Variants in XDH observed in about 807,000 individuals in gnomAD.
XDH encodes the protein xanthine dehydrogenase/oxidase.
A neutral mutation model predicts 156.1 loss-of-function variants in XDH; 138 were observed. The ratio of observed to expected loss-of-function variants is 0.88; its 90% CI spans 0.77 to 1.02. The LOEUF (loss-of-function observed/expected upper bound fraction) is 1.02. XDH is among the 50% of genes least tolerant of loss of function. XDH has a pLI of 0.00. For synonymous variants in XDH, 669 were observed against 625.7 expected, an observed-to-expected ratio of 1.07 and a Z score of -1.03; for missense variants, 1,849 against 1,684.9, an observed-to-expected ratio of 1.10 and a Z score of -1.71.
At position 31,350,150 on chromosome 2, in the gene XDH, C is replaced by T. The variant is rs1334893317; in HGVS notation, c.2705G>A (p.Cys902Tyr). The T allele has an allele frequency of 7.4e-6, 12 of 1,614,100 alleles. No individual in the cohort carries two copies. The highest frequency in any genetic ancestry group is 1.6e-4 in the Middle Eastern group (1 of 6,084). ...IPNIRGTGRLCKTNLPSNTAF... is the reference protein window; with the variant it reads ...IPNIRGTGRLYKTNLPSNTAF... ...CGTGTTGGAGGGAAGGTTGGTTTTGCACAGCCGCCCAGTGCCCCGGATGTT... is the reference window on the plus strand; with the variant it reads ...CGTGTTGGAGGGAAGGTTGGTTTTGTACAGCCGCCCAGTGCCCCGGATGTT... The change falls in exon 25 of 36, where the codon TGC becomes TAC. Residue 902 changes from cysteine (C) to tyrosine (Y), a missense_variant. Cys to Tyr is a radical substitution (Grantham distance 194). Transcript: ENST00000379416.
Position 31,378,030 on chromosome 2 carries a change from A to T in XDH, c.1243-793T>A, listed in dbSNP as rs925462073. Among the ~76,000 whole-genome samples, 3 of 147,986 alleles carry T rather than the reference A, an allele frequency of 2.0e-5. No homozygotes were observed. In the East Asian group the frequency reaches 5.9e-4, roughly 29 times the overall value. On this transcript the variant is annotated intron_variant, in intron 13 of 35. Coordinates refer to ENST00000379416, the MANE Select transcript of XDH (RefSeq NM_000379.4). The stretch of plus-strand genomic sequence containing the variant: ...GGCAGAGTGAGAATCTGTCTCAAAA[A>T]AAAAGAGAAGAAAGAGAAAGAAAGG...
At chr2:31,401,349 C>T (rs1470056906) in intron 3 of XDH, 21 bp from the exon 4 acceptor site, 1 of 1,612,948 alleles carries the variant, frequency 6.2e-7, no homozygotes. Flanking sequence ...AGATTAAGGT[C>T]ATTCCATTTA....
chr2:31,405,911 T>C lies in XDH; in HGVS notation c.96A>G (p.Arg32=), dbSNP rs1687179683. 1.2e-6 allele frequency: 2 copies of C among 1,614,068 alleles called. No homozygotes were observed. Among genetic ancestry groups the C allele is most frequent in the South Asian group, 1.1e-5 (1 of 91,082 alleles). ...PETTLLAYLR[R]KLGLSGTKLG... is the part of the protein sequence containing the mutation. ...CCCACTCCAAAGTCAGGATACACTT[T>C]CTTCTCAGGTAGGCCAAAAGGGTTG... The change falls in exon 2 of 36, where the codon AGA becomes AGG. Residue 32 remains arginine, a synonymous_variant. Coordinates refer to ENST00000379416, the MANE Select transcript of XDH (RefSeq NM_000379.4).
At chr2:31,410,852 A>C (rs1234697969) in intron 1 of XDH, among the ~76,000 whole-genome samples, 1 of 152,224 alleles carries the variant, frequency 6.6e-6, no homozygotes, top group Non-Finnish European at 1.5e-5. Context: ...TGCAAGGCGT[A>C]ATCTTGGATT....
Position 31,383,170 on chromosome 2 carries a change from G to A in XDH, c.887-18C>T, listed in dbSNP as rs573175198. On this transcript the variant is annotated intron_variant, in intron 10 of 35. Coordinates refer to ENST00000379416, the MANE Select transcript of XDH (RefSeq NM_000379.4). ...GGAGATACCTGGGAACGCACGTTCG[G>A]AATCACAGCAATTCTTCCCACAGTT... 6.2e-7 allele frequency: 1 copy of A among 1,614,142 alleles called. No homozygotes were observed. The highest frequency in any genetic ancestry group is 1.7e-5 in the Admixed American group (1 of 60,020).
chr2:31,370,336 A>G lies in XDH; in HGVS notation c.1980+19T>C, dbSNP rs1409799049. The G allele has an allele frequency of 6.2e-7, 1 of 1,613,230 alleles. No individual in the cohort carries two copies. The highest frequency in any genetic ancestry group is 8.5e-7 in the Non-Finnish European group (1 of 1,179,388). ...AATACTTATTCAATTTACTTCATAT[A>G]AAAAAATCCAAGACTTACCTTATCC... On this transcript the variant is annotated intron_variant, in intron 18 of 35. Coordinates refer to ENST00000379416, the MANE Select transcript of XDH (RefSeq NM_000379.4).
chr2:31,338,889 A>G (rs1685045473), intron 34 of XDH, among the ~76,000 whole-genome samples: 1 of 151,502 alleles, frequency 6.6e-6, no homozygotes, highest in African/African-American at 2.4e-5. Flanking sequence ...ATGCCCAGCT[A>G]ATTTTTTTTA....
In XDH at chr2:31,409,362, T is replaced by A. The variant is rs187251437; in HGVS notation, c.43-3398A>T. Among the ~76,000 whole-genome samples, 16 of 152,338 alleles carry A rather than the reference T, an allele frequency of 1.1e-4. No homozygotes were observed. In the East Asian group the frequency reaches 2.9e-3, roughly 28 times the overall value. On this transcript the variant is annotated intron_variant, in intron 1 of 35. Transcript: ENST00000379416. ...TACCACATTTTCTATCATGTAATTA[T>A]TACACATTGCATGCCTATATCAAAG...
At chr2:31,356,894 C>T (rs965478589) in intron 24 of XDH, among the ~76,000 whole-genome samples, 5 of 151,960 alleles carry the variant, frequency 3.3e-5, no homozygotes, top group African/African-American at 9.7e-5. Context: ...TCAACTAAAA[C>T]GGAATGAAAC....
At chr2:31,382,350 G>C (rs1572550086) in intron 11 of XDH, among the ~76,000 whole-genome samples, 1 of 152,204 alleles carries the variant, frequency 6.6e-6, no homozygotes, top group East Asian at 1.9e-4. Context: ...ACTTGGGGTG[G>C]GGGCTGGGAG....
intron 3 of XDH, 53 bp from the exon 4 acceptor site, chr2:31,401,381 A>G (rs1028868934): frequency 1.3e-6 from 2 of 1,585,206 alleles, no homozygotes; most frequent in South Asian, 1.1e-5. Flanking sequence ...GATCATCAGA[A>G]TGGGCCTGAC....
chr2:31,384,032 C>A, intron 9 of XDH, 185 bp from the exon 10 acceptor site: 1 of 636,114 alleles, frequency 1.6e-6, no homozygotes. Context: ...TAGATGCAGT[C>A]TTTGGACTGT....
At chr2:31,378,079 A>C (rs1013248368) in intron 13 of XDH, among the ~76,000 whole-genome samples, 1 of 35,888 alleles carries the variant, frequency 2.8e-5, no homozygotes, top group East Asian at 8.4e-4. Context: ...AGAAAGAAAG[A>C]AAGAAAGAAA....
chr2:31,347,371 A>C, intron 29 of XDH, 151 bp downstream of exon 29: 1 of 1,204,132 alleles, frequency 8.3e-7, no homozygotes, highest in South Asian at 1.5e-5. Context: ...TGAGGTTTGG[A>C]GAAACAGCAT....
intron 15 of XDH, 125 bp from the exon 16 acceptor site, chr2:31,374,081 G>T: frequency 2.0e-6 from 2 of 992,820 alleles, no homozygotes; most frequent in South Asian, 2.8e-5. Flanking sequence ...ATACGCCTTT[G>T]AGTGCTGGCT....
intron 34 of XDH, among the ~76,000 whole-genome samples, chr2:31,338,557 A>G (rs1370329665): frequency 6.6e-6 from 1 of 152,156 alleles, no homozygotes; most frequent in South Asian, 2.1e-4. Context: ...CCACGAGATG[A>G]GCAAATGGAT....
chr2:31,398,793 G>A (rs1686982923), intron 4 of XDH, 94 bp from the exon 5 acceptor site: 2 of 1,584,730 alleles, frequency 1.3e-6, no homozygotes, highest in Non-Finnish European at 8.6e-7. Context: ...TTGAGAGATA[G>A]TGGGGGTAGT....
At chr2:31,403,780 C>CT (rs1464226208) in intron 2 of XDH, among the ~76,000 whole-genome samples, 1 of 152,122 alleles carries the variant, frequency 6.6e-6, no homozygotes, top group Non-Finnish European at 1.5e-5. Context: ...CCATCTGCTA[C>CT]TTTGAGTTTT....
At chr2:31,365,906 A>T in intron 22 of XDH, 70 bp downstream of exon 22, 1 of 1,610,950 alleles carries the variant, frequency 6.2e-7, no homozygotes, top group Non-Finnish European at 8.5e-7. Context: ...AGTCCTGAAA[A>T]CCTTCCTGGC....
Sources: gnomAD v4.1 joint callset for allele counts (sites outside exome capture counted in the v4.1 genomes callset) on GRCh38, gnomAD v4.1.1 for gene constraint, MANE v1.5 for transcripts, NCBI Gene and HGNC (gene_info 2026-07-23, HGNC 2026-07-21) for gene names.